The following ATF6 variants were observed in gnomAD, a reference collection of about 807,000 sequenced individuals.
ATF6 encodes activating transcription factor 6, also known as cyclic AMP-dependent transcription factor ATF-6 alpha.
In ATF6, 53 loss-of-function variants were observed where a neutral mutation model predicts 83.6. The ratio of observed to expected loss-of-function variants is 0.63; its 90% CI spans 0.51 to 0.80. ATF6 has a LOEUF of 0.80. Ranked by LOEUF, ATF6 falls within the 30% of genes least tolerant of loss-of-function variation. The pLI is 0.00. For synonymous variants in ATF6, 288 were observed against 285.8 expected (o/e 1.01, Z -0.08); for missense variants, 744 against 797.9 (o/e 0.93, Z 0.81).
chr1:161,830,594 A>G (rs1172877566), intron 9 of ATF6, among the ~76,000 whole-genome samples: 3 of 152,242 alleles, frequency 2.0e-5, no homozygotes, highest in Non-Finnish European at 4.4e-5. Flanking sequence ...TGGTACCAAA[A>G]CAGAGATATA....
intron 6 of ATF6, among the ~76,000 whole-genome samples, chr1:161,797,632 A>G (rs949657007): frequency 2.6e-5 from 4 of 152,222 alleles, no homozygotes; most frequent in Admixed American, 2.6e-4. Flanking sequence ...AAAGATCTCT[A>G]CAATGAGTTA....
At chr1:161,838,536 A>C (rs1359266886) in intron 9 of ATF6, among the ~76,000 whole-genome samples, 1 of 152,174 alleles carries the variant, frequency 6.6e-6, no homozygotes, top group Non-Finnish European at 1.5e-5. Flanking sequence ...TAAGTTGGTG[A>C]CGGCTTTCAG....
chr1:161,899,835 A>G (rs1687745947), intron 14 of ATF6, among the ~76,000 whole-genome samples: 1 of 152,140 alleles, frequency 6.6e-6, no homozygotes, highest in African/African-American at 2.4e-5. Flanking sequence ...CAATGCTTCT[A>G]TTAGGCACCC....
At chr1:161,848,046 C>G (rs549407290) in intron 10 of ATF6, among the ~76,000 whole-genome samples, 1 of 151,774 alleles carries the variant, frequency 6.6e-6, no homozygotes, top group Non-Finnish European at 1.5e-5. Context: ...GGGATGCAAG[C>G]TATTTTTTCC....
chr1:161,907,758 T>A (rs1687904761), intron 14 of ATF6, among the ~76,000 whole-genome samples: 1 of 152,226 alleles, frequency 6.6e-6, no homozygotes, highest in Non-Finnish European at 1.5e-5. Context: ...TATATTAATG[T>A]GCACTCATTG....
At chr1:161,872,871 AGT>A (rs1687147226) in intron 14 of ATF6, among the ~76,000 whole-genome samples, 1 of 151,564 alleles carries the variant, frequency 6.6e-6, no homozygotes, top group East Asian at 1.9e-4. Context: ...GAGAACTAAG[AGT>A]GTGTATGTAT....
At chr1:161,817,133 T>G (rs937030028) in intron 7 of ATF6, among the ~76,000 whole-genome samples, 4 of 152,238 alleles carry the variant, frequency 2.6e-5, no homozygotes, top group African/African-American at 9.6e-5. Context: ...TGACAGCCTT[T>G]GAAACTTGAA....
intron 1 of ATF6, among the ~76,000 whole-genome samples, chr1:161,770,597 A>G (rs1179565149): frequency 6.6e-6 from 1 of 152,148 alleles, no homozygotes; most frequent in Admixed American, 6.5e-5. Context: ...TAATGACCTC[A>G]TTTAACTTTA....
chr1:161,804,859 G>A (rs1013007030), intron 7 of ATF6, among the ~76,000 whole-genome samples: 4 of 151,870 alleles, frequency 2.6e-5, no homozygotes, highest in African/African-American at 7.3e-5. Context: ...TGTCTGTTCA[G>A]CTTTTGTACT....
At chr1:161,882,480 A>G (rs2101859609) in intron 14 of ATF6, among the ~76,000 whole-genome samples, 1 of 152,204 alleles carries the variant, frequency 6.6e-6, no homozygotes, top group Non-Finnish European at 1.5e-5. Context: ...AAAGAGCTTC[A>G]GAATCAGACT....
chr1:161,960,560 A>G lies in ATF6; in HGVS notation c.*1906A>G, dbSNP rs761169241. ...AATGCTTTCCAAGGAAATCAGTTCA[A>G]CTTTTGTGAGCGGGGAAAAGCAGGG... On this transcript the variant is annotated 3_prime_UTR_variant, in exon 16 of 16. Coordinates refer to ENST00000367942, the MANE Select transcript of ATF6 (RefSeq NM_007348.4). The G allele has an allele frequency of 2.6e-5, 4 of 152,244 alleles. No individual in the cohort carries two copies. The South Asian group carries it at 8.3e-4, about 31-fold the overall frequency. 9.4% of individuals were successfully genotyped at this position (152,244 alleles called of 1,614,324 possible).
chr1:161,885,930 A>G (rs2101863559), intron 14 of ATF6, among the ~76,000 whole-genome samples: 1 of 152,352 alleles, frequency 6.6e-6, no homozygotes, highest in East Asian at 1.9e-4. Context: ...TGAAGCATTT[A>G]GTGTCCTAGC....
intron 15 of ATF6, among the ~76,000 whole-genome samples, chr1:161,935,846 T>C (rs961833582): frequency 6.6e-6 from 1 of 152,222 alleles, no homozygotes; most frequent in Non-Finnish European, 1.5e-5. Context: ...TGCTCGAGCA[T>C]TTCTAAAGAA....
chr1:161,824,386 T>TAAA (rs72265058), intron 9 of ATF6, among the ~76,000 whole-genome samples: 10 of 140,264 alleles, frequency 7.1e-5, no homozygotes, highest in Non-Finnish European at 1.1e-4. Context: ...TGGTCAAAAT[T>TAAA]AAAAAAAAAA....
chr1:161,958,629 G>A lies in ATF6; in HGVS notation c.1988G>A (p.Ser663Asn). The change falls in exon 16 of 16, where the codon AGC (serine) becomes AAC (asparagine). Residue 663 changes from serine to asparagine, a missense_variant. Ser to Asn is a conservative substitution (Grantham distance 46). Coordinates refer to ENST00000367942, the MANE Select transcript of ATF6 (RefSeq NM_007348.4). ...PAATEATHVV[S>N]TIPESLQ ...GCCACAGAGGCAACCCACGTTGTCAGCACCATCCCTGAGTCATTACAATAG... is the reference window on the plus strand; with the variant it reads ...GCCACAGAGGCAACCCACGTTGTCAACACCATCCCTGAGTCATTACAATAG... 1 of 1,613,412 alleles carries A rather than the reference G, an allele frequency of 6.2e-7. No individual in the cohort carries two copies. The highest frequency in any genetic ancestry group is 8.5e-7 in the Non-Finnish European group (1 of 1,179,698).
At chr1:161,808,775 T>G (rs1685368930) in intron 7 of ATF6, among the ~76,000 whole-genome samples, 1 of 151,954 alleles carries the variant, frequency 6.6e-6, no homozygotes, top group African/African-American at 2.4e-5. Context: ...CTTGTTGTAT[T>G]GCACAGGGTG....
intron 15 of ATF6, among the ~76,000 whole-genome samples, chr1:161,929,469 A>G (rs1446820019): frequency 1.3e-5 from 2 of 152,186 alleles, no homozygotes; most frequent in African/African-American, 4.8e-5. Flanking sequence ...GAGCTGGTGC[A>G]TCTGTGTGGC....
chr1:161,883,024 T>TC (rs1041410132), intron 14 of ATF6, among the ~76,000 whole-genome samples: 8 of 151,902 alleles, frequency 5.3e-5, no homozygotes, highest in African/African-American at 1.9e-4. Flanking sequence ...ATTCATTCTT[T>TC]CCCCCAACTC....
chr1:161,927,766 G>A (rs1185769911), intron 15 of ATF6, among the ~76,000 whole-genome samples: 1 of 152,086 alleles, frequency 6.6e-6, no homozygotes, highest in Non-Finnish European at 1.5e-5. Context: ...ATAATATTCA[G>A]TGTTCGATGA....
Sources: gnomAD v4.1 joint callset for allele counts (sites outside exome capture counted in the v4.1 genomes callset) on GRCh38, gnomAD v4.1.1 for gene constraint, MANE v1.5 for transcripts, NCBI Gene and HGNC (gene_info 2026-07-23, HGNC 2026-07-21) for gene names.